PCDHA7: variants seen among roughly 807,000 people sequenced by gnomAD.
The protein encoded by PCDHA7 is protocadherin alpha-7.
In PCDHA7, 37 loss-of-function variants were observed where a neutral mutation model predicts 57.2. The observed-to-expected ratio is 0.65, with a 90% CI of 0.50 to 0.85. The LOEUF (loss-of-function observed/expected upper bound fraction) is 0.85, where lower values mean the gene tolerates loss of function less well. Ranked by LOEUF, PCDHA7 falls within the 40% of genes least tolerant of loss-of-function variation. PCDHA7 has a pLI of 0.00. For synonymous variants in PCDHA7, 553 were observed against 558.8 expected (o/e 0.99, Z 0.15); for missense variants, 1,188 against 1,241.8 (o/e 0.96, Z 0.65).
intron 1 of PCDHA7, among the ~76,000 whole-genome samples, chr5:140,937,181 G>A (rs573153234): frequency 5.3e-5 from 8 of 151,984 alleles, no homozygotes; most frequent in African/African-American, 1.9e-4. Context: ...GGGACTACAG[G>A]CGCCCGCCAC....
intron 1 of PCDHA7, among the ~76,000 whole-genome samples, chr5:140,977,356 T>C (rs1563455891): frequency 6.6e-6 from 1 of 152,250 alleles, no homozygotes; most frequent in African/African-American, 2.4e-5. Flanking sequence ...GACTGATTGA[T>C]AAAAAGTATT....
At chr5:140,883,128 C>G (rs782352091) in intron 1 of PCDHA7, 1 of 1,614,060 alleles carries the variant, frequency 6.2e-7, no homozygotes, top group Non-Finnish European at 8.5e-7. Flanking sequence ...CCTGTATGGC[C>G]TGCAGTGGTA....
chr5:140,928,555 A>G, intron 1 of PCDHA7: 1 of 1,614,240 alleles, frequency 6.2e-7, no homozygotes, highest in Non-Finnish European at 8.5e-7. Flanking sequence ...TTATCCGGTT[A>G]TCTTGTTTCC....
At chr5:140,884,373 T>C (rs1554181483) in intron 1 of PCDHA7, 2 of 1,613,958 alleles carry the variant, frequency 1.2e-6, no homozygotes, top group South Asian at 2.2e-5. Context: ...TACTTGATCA[T>C]TGCCATCTGC....
At chr5:140,975,010 C>T (rs2096649304) in intron 1 of PCDHA7, among the ~76,000 whole-genome samples, 1 of 152,182 alleles carries the variant, frequency 6.6e-6, no homozygotes, top group Admixed American at 6.5e-5. Context: ...GAAATGAACA[C>T]AGCTGGGCTG....
chr5:140,955,641 A>G (rs173471), intron 1 of PCDHA7, among the ~76,000 whole-genome samples: 85,644 of 151,978 alleles, frequency 0.56, 24,753 homozygotes, highest in African/African-American at 0.69. Flanking sequence ...TGTGAGAACA[A>G]ATTAATACAC....
At chr5:140,879,864 T>C (rs2058152773) in intron 1 of PCDHA7, among the ~76,000 whole-genome samples, 1 of 152,226 alleles carries the variant, frequency 6.6e-6, no homozygotes, top group Admixed American at 6.5e-5. Flanking sequence ...CCTTCTCAGC[T>C]TTCATGGTCA....
intron 1 of PCDHA7, chr5:140,882,003 G>C: frequency 2.0e-6 from 1 of 492,180 alleles, no homozygotes; most frequent in Non-Finnish European, 3.4e-6. Flanking sequence ...AATGCAAGGG[G>C]CAAAAAAATA....
rs781808272 is a variant in PCDHA7, at chr5:140,856,411, A to G, written c.2355+19673A>G. Reference sequence around the variant, plus strand: ...TGCAGGTTTTCCATGTGGACGTGGAAGTGAAGGACATTAACGACAACCCGC... The same window carrying G: ...TGCAGGTTTTCCATGTGGACGTGGAGGTGAAGGACATTAACGACAACCCGC... On this transcript the variant is annotated intron_variant, in intron 1 of 3. Transcript: ENST00000525929. 31 of 1,598,328 alleles carry G rather than the reference A, an allele frequency of 1.9e-5. 3 individuals are homozygous for G. Among genetic ancestry groups the G allele is most frequent in the African/African-American group, 5.4e-5 (4 of 74,256 alleles).
chr5:140,857,354 G>A lies in PCDHA7; in HGVS notation c.2355+20616G>A, dbSNP rs1449369579. 2.5e-6 allele frequency: 4 copies of A among 1,598,262 alleles called. No homozygotes were observed. In the African/African-American group the frequency reaches 5.4e-5, roughly 22 times the overall value. ...GGACGGGGGCTCGCCTCCGCTGTGG[G>A]CCACGGCCAGCGTGTCTGTGGAGGT... On this transcript the variant is annotated intron_variant, in intron 1 of 3. Transcript: ENST00000525929.
chr5:140,990,524 G>T (rs782064217), intron 3 of PCDHA7, among the ~76,000 whole-genome samples: 2 of 151,978 alleles, frequency 1.3e-5, no homozygotes, highest in Non-Finnish European at 2.9e-5. Flanking sequence ...TGTCTTTTTT[G>T]ACTGTGCATC....
intron 1 of PCDHA7, among the ~76,000 whole-genome samples, chr5:140,970,418 G>A (rs1377182658): frequency 6.6e-6 from 1 of 152,220 alleles, no homozygotes; most frequent in East Asian, 1.9e-4. Flanking sequence ...ACAGTAAGGT[G>A]TAGAGGCAGG....
intron 1 of PCDHA7, chr5:140,871,029 G>A (rs782042665): frequency 1.9e-6 from 3 of 1,613,228 alleles, no homozygotes; most frequent in Non-Finnish European, 2.5e-6. Flanking sequence ...CAGACTCGCC[G>A]CGCCACCGAC....
intron 1 of PCDHA7, among the ~76,000 whole-genome samples, chr5:140,974,062 G>T (rs1014435483): frequency 2.0e-5 from 3 of 152,222 alleles, no homozygotes; most frequent in Non-Finnish European, 4.4e-5. Context: ...ATTTGGAGCA[G>T]TATAATCTAT....
intron 1 of PCDHA7, among the ~76,000 whole-genome samples, chr5:140,897,105 C>T (rs981189512): frequency 3.3e-5 from 5 of 152,062 alleles, no homozygotes; most frequent in South Asian, 2.1e-4. Flanking sequence ...TAAAAATCTC[C>T]ACTTTCTGTC....
At chr5:140,869,222 AAC>A (rs1554162674) in intron 1 of PCDHA7, 2 of 1,613,834 alleles carry the variant, frequency 1.2e-6, no homozygotes, top group South Asian at 2.2e-5. Context: ...GAGGAGGCCA[AAC>A]ACGGCACCTT....
chr5:140,960,316 G>A (rs1360755627), intron 1 of PCDHA7, among the ~76,000 whole-genome samples: 1 of 152,066 alleles, frequency 6.6e-6, no homozygotes, highest in African/African-American at 2.4e-5. Flanking sequence ...ACCTCATTAG[G>A]GTCCTGTGAG....
chr5:140,935,501 A>G (rs1337847677), intron 1 of PCDHA7, among the ~76,000 whole-genome samples: 1 of 152,250 alleles, frequency 6.6e-6, no homozygotes, highest in East Asian at 1.9e-4. Context: ...GCACATCCTT[A>G]CAAATGCCCA....
chr5:140,845,119 A>C (rs1166318033), intron 1 of PCDHA7, among the ~76,000 whole-genome samples: 4 of 149,728 alleles, frequency 2.7e-5, no homozygotes, highest in African/African-American at 9.8e-5. Flanking sequence ...GTCCATGTTT[A>C]GCATTTTATT....
Sources: allele counts gnomAD v4.1 joint callset (sites outside exome capture counted in the v4.1 genomes callset), GRCh38; gene constraint gnomAD v4.1.1; transcripts MANE v1.5; gene names NCBI Gene and HGNC (gene_info 2026-07-23, HGNC 2026-07-21).